SLC44A1: variants seen among roughly 807,000 people sequenced by gnomAD.
SLC44A1 encodes the protein solute carrier family 44 member 1, also known as choline transporter-like protein 1.
A neutral mutation model predicts 79.3 loss-of-function variants in SLC44A1; 26 were observed. That is an observed-to-expected ratio of 0.33 (90% CI 0.24 to 0.46). The LOEUF is 0.46. Ranked by LOEUF, SLC44A1 falls within the 20% of genes least tolerant of loss-of-function variation. SLC44A1 has a pLI of 1.00. For missense variants in SLC44A1, 688 were observed against 798.1 expected (o/e 0.86, Z 1.66); for synonymous variants, 263 against 286.2 (o/e 0.92, Z 0.82).
At chr9:105,305,690 T>A (rs1831009667) in intron 2 of SLC44A1, among the ~76,000 whole-genome samples, 1 of 152,184 alleles carries the variant, frequency 6.6e-6, no homozygotes, top group South Asian at 2.1e-4. Context: ...TTGAAACATT[T>A]TGCCATACTC....
chr9:105,295,331 G>A (rs867264957), intron 1 of SLC44A1, among the ~76,000 whole-genome samples: 1 of 152,168 alleles, frequency 6.6e-6, no homozygotes, highest in Non-Finnish European at 1.5e-5. Context: ...TTCCTAAACC[G>A]CAAGATCCTG....
chr9:105,354,762 A>C (rs1178791966), intron 5 of SLC44A1, among the ~76,000 whole-genome samples: 1 of 152,226 alleles, frequency 6.6e-6, no homozygotes, highest in Non-Finnish European at 1.5e-5. Context: ...TTTTCTTACC[A>C]TCAATGGTGC....
intron 3 of SLC44A1, among the ~76,000 whole-genome samples, chr9:105,333,725 G>A (rs12340015): frequency 0.2 from 30,466 of 151,730 alleles, 4,032 homozygotes; most frequent in Non-Finnish European, 0.29. Flanking sequence ...CAGGAGAATC[G>A]TTTGAACCTC....
At chr9:105,305,867 T>TA (rs1468744181) in intron 2 of SLC44A1, among the ~76,000 whole-genome samples, 6 of 147,352 alleles carry the variant, frequency 4.1e-5, no homozygotes, top group East Asian at 2.0e-4. Context: ...TTTTTTTTTT[T>TA]ACTAATAGCA....
chr9:105,381,175 G>A (rs899322650), intron 13 of SLC44A1, among the ~76,000 whole-genome samples: 3 of 151,990 alleles, frequency 2.0e-5, no homozygotes, highest in African/African-American at 7.3e-5. Flanking sequence ...CCTCCAAGAG[G>A]GTGAATGTGC....
chr9:105,342,793 G>A (rs575026887), intron 4 of SLC44A1, among the ~76,000 whole-genome samples: 16 of 152,140 alleles, frequency 1.1e-4, no homozygotes, highest in African/African-American at 1.7e-4. Context: ...GATGCTTTGC[G>A]TATTGTTTTG....
intron 1 of SLC44A1, among the ~76,000 whole-genome samples, chr9:105,276,466 A>G (rs1252918588): frequency 6.6e-6 from 1 of 151,992 alleles, no homozygotes; most frequent in Non-Finnish European, 1.5e-5. Context: ...CTTATTTTTT[A>G]AGGGGACTAA....
chr9:105,306,622 C>T (rs988725911), intron 2 of SLC44A1, among the ~76,000 whole-genome samples: 9 of 143,398 alleles, frequency 6.3e-5, no homozygotes, highest in Non-Finnish European at 1.5e-5. Context: ...GTTTAAGTGG[C>T]CTATGTGAAA....
intron 1 of SLC44A1, among the ~76,000 whole-genome samples, chr9:105,249,865 ATTT>A (rs71501461): frequency 7.9e-6 from 1 of 127,388 alleles, no homozygotes. Context: ...CAGTTTACTA[ATTT>A]TTTTTTTTTT....
chr9:105,259,377 T>G (rs1466964328), intron 1 of SLC44A1, among the ~76,000 whole-genome samples: 1 of 152,188 alleles, frequency 6.6e-6, no homozygotes, highest in Admixed American at 6.5e-5. Context: ...GTTATTAATA[T>G]TGAGTGCCAA....
chr9:105,261,755 A>G (rs936481126), intron 1 of SLC44A1, among the ~76,000 whole-genome samples: 1 of 148,028 alleles, frequency 6.8e-6, no homozygotes, highest in Non-Finnish European at 1.5e-5. Context: ...GCCCAGCTGA[A>G]TCTGTGTTTC....
chr9:105,362,312 A>T (rs1398189047), intron 8 of SLC44A1, among the ~76,000 whole-genome samples: 1 of 152,230 alleles, frequency 6.6e-6, no homozygotes, highest in Non-Finnish European at 1.5e-5. Flanking sequence ...AGTTATTGTT[A>T]TACAGATATT....
chr9:105,301,226 A>G (rs1364498963), intron 2 of SLC44A1, among the ~76,000 whole-genome samples: 1 of 152,218 alleles, frequency 6.6e-6, no homozygotes, highest in African/African-American at 2.4e-5. Flanking sequence ...AAAACAGGTC[A>G]GGAAAGTGCA....
intron 15 of SLC44A1, among the ~76,000 whole-genome samples, chr9:105,414,630 C>T (rs1454038436): frequency 6.6e-6 from 1 of 151,888 alleles, no homozygotes; most frequent in Non-Finnish European, 1.5e-5. Context: ...TTATTTTTAT[C>T]TGTGTTTAAA....
chr9:105,402,147 A>T (rs1261285125), downstream of SLC44A1, among the ~76,000 whole-genome samples: 1 of 152,282 alleles, frequency 6.6e-6, no homozygotes, highest in South Asian at 2.1e-4. Context: ...GGACTCTTAC[A>T]TGTGTGTTCA....
rs1263713426 is a variant in SLC44A1, at chr9:105,330,162, G to A, written c.270-5401G>A. On this transcript the variant is annotated intron_variant, in intron 3 of 15. Coordinates refer to ENST00000374720, the MANE Select transcript of SLC44A1 (RefSeq NM_080546.5). ...AGTGTTGCATACCACATAGAGTACA[G>A]CCCTATATCATGTACAGGTAGGGCT... 3.9e-5 allele frequency among the ~76,000 whole-genome samples: 6 copies of A among 152,230 alleles called. No individual in the cohort carries two copies. The East Asian group carries it at 1.2e-3, about 29-fold the overall frequency.
At chr9:105,324,285 CTG>C (rs1491434279) in intron 3 of SLC44A1, among the ~76,000 whole-genome samples, 1 of 150,310 alleles carries the variant, frequency 6.7e-6, no homozygotes, top group East Asian at 1.9e-4. Context: ...GAGTTTCACT[CTG>C]TGGTCTAGGT....
At chr9:105,341,346 AAAAAAG>A (rs1827083135) in intron 4 of SLC44A1, among the ~76,000 whole-genome samples, 1 of 151,328 alleles carries the variant, frequency 6.6e-6, no homozygotes, top group Admixed American at 6.6e-5. Flanking sequence ...AAAAAAAAAA[AAAAAAG>A]AAAAAGAAAA....
intron 1 of SLC44A1, among the ~76,000 whole-genome samples, chr9:105,268,777 C>CG (rs1186881779): frequency 8.5e-5 from 13 of 152,240 alleles, no homozygotes; most frequent in African/African-American, 2.9e-4. Flanking sequence ...GGATTACAGG[C>CG]GGGTGCCACC....
Sources: gnomAD v4.1 joint callset for allele counts (sites outside exome capture counted in the v4.1 genomes callset) on GRCh38, gnomAD v4.1.1 for gene constraint, MANE v1.5 for transcripts, NCBI Gene and HGNC (gene_info 2026-07-23, HGNC 2026-07-21) for gene names.